The following SRPK2 variants were observed in gnomAD, a reference collection of about 807,000 sequenced individuals.
SRPK2 encodes SFRS protein kinase 2.
A neutral mutation model predicts 90.8 loss-of-function variants in SRPK2; 21 were observed. The observed-to-expected ratio is 0.23, with a 90% CI of 0.16 to 0.33. SRPK2 has a LOEUF of 0.33. Among genes scored for constraint, SRPK2 ranks in the 10% least tolerant of loss-of-function variants. SRPK2 has a pLI of 1.00. For missense variants in SRPK2, 620 were observed against 869.0 expected (o/e 0.71, Z 3.60); for synonymous variants, 288 against 311.1 (o/e 0.93, Z 0.78).
chr7:105,233,188 T>C (rs1329846267), intron 2 of SRPK2, among the ~76,000 whole-genome samples: 1 of 151,442 alleles, frequency 6.6e-6, no homozygotes, highest in Admixed American at 6.6e-5. Context: ...AAGGCACAGG[T>C]CAATTAATAG....
intron 2 of SRPK2, among the ~76,000 whole-genome samples, chr7:105,295,820 T>G (rs1338743677): frequency 1.3e-5 from 2 of 152,304 alleles, no homozygotes; most frequent in Middle Eastern, 3.4e-3. Context: ...TCACACAATA[T>G]TTCTCTTGGA....
chr7:105,280,660 G>T (rs997613869), intron 2 of SRPK2, among the ~76,000 whole-genome samples: 31 of 50,040 alleles, frequency 6.2e-4, no homozygotes, highest in Non-Finnish European at 1.1e-3. Flanking sequence ...AAAAAAAGGG[G>T]GGGGGGGCCG....
At chr7:105,259,454 C>A (rs931266044) in intron 2 of SRPK2, among the ~76,000 whole-genome samples, 3 of 152,148 alleles carry the variant, frequency 2.0e-5, no homozygotes, top group Admixed American at 1.3e-4. Flanking sequence ...AATGGCCACA[C>A]GGCCTAAGGT....
intron 2 of SRPK2, chr7:105,268,796 G>A: frequency 1.3e-6 from 2 of 1,592,892 alleles, no homozygotes; most frequent in Non-Finnish European, 1.7e-6. Context: ...TGCAAGAGAT[G>A]TAGCTGTACC....
intron 7 of SRPK2, among the ~76,000 whole-genome samples, chr7:105,159,163 A>G (rs970457004): frequency 3.3e-5 from 5 of 151,912 alleles, no homozygotes; most frequent in Admixed American, 2.0e-4. Flanking sequence ...CTCAAGTAAC[A>G]TCTGTCATGT....
At position 105,245,820 on chromosome 7, in the gene SRPK2, G is replaced by A. The variant is rs143219205; in HGVS notation, c.72-42035C>T. ...TATGGCCTTGAACTCCTGGGCTCAA[G>A]TGATCCTCCCACCTCAGCTGCCAGA... is the stretch of plus-strand genomic sequence containing the variant. On this transcript the variant is annotated intron_variant, in intron 2 of 15. Coordinates refer to ENST00000393651, the MANE Select transcript of SRPK2 (RefSeq NM_182692.3). Among the ~76,000 whole-genome samples, 708 of 152,310 alleles carry A rather than the reference G, an allele frequency of 4.6e-3. 5 individuals carry two copies. Among genetic ancestry groups the A allele is most frequent in the African/African-American group, 0.016 (677 of 41,568 alleles).
At chr7:105,267,305 T>C (rs746968226) in intron 2 of SRPK2, among the ~76,000 whole-genome samples, 4 of 152,214 alleles carry the variant, frequency 2.6e-5, no homozygotes, top group Non-Finnish European at 4.4e-5. Flanking sequence ...AAAGAATTCA[T>C]GATATTCCAA....
chr7:105,241,111 C>T (rs2129623828), intron 2 of SRPK2, among the ~76,000 whole-genome samples: 1 of 152,130 alleles, frequency 6.6e-6, no homozygotes, highest in South Asian at 2.1e-4. Context: ...AGGATGTAAA[C>T]TTTTTAAATG....
At chr7:105,394,339 C>T (rs1353338268), upstream of SRPK2, among the ~76,000 whole-genome samples, 2 of 152,002 alleles carry the variant, frequency 1.3e-5, no homozygotes, top group African/African-American at 4.8e-5. Flanking sequence ...GATGGGGTTT[C>T]ACCATATTGG....
chr7:105,149,166 T>C (rs1456445737), intron 7 of SRPK2, among the ~76,000 whole-genome samples: 1 of 152,122 alleles, frequency 6.6e-6, no homozygotes, highest in Non-Finnish European at 1.5e-5. Flanking sequence ...GTCTCCTGCC[T>C]GCCCCTGGGA....
At chr7:105,369,722 A>G (rs1184185142) in intron 2 of SRPK2, among the ~76,000 whole-genome samples, 1 of 152,114 alleles carries the variant, frequency 6.6e-6, no homozygotes, top group African/African-American at 2.4e-5. Context: ...CAACAGGATA[A>G]GATTCCCCAT....
chr7:105,159,466 A>ATAAAAAAT (rs1554428673), intron 7 of SRPK2, among the ~76,000 whole-genome samples: 6 of 114,314 alleles, frequency 5.2e-5, no homozygotes, highest in African/African-American at 1.9e-4. Context: ...AAAAAAAAAA[A>ATAAAAAAT]AAAAAAACCG....
Position 105,203,722 on chromosome 7 carries a change from C to T in SRPK2, c.135G>A (p.Pro45=), listed in dbSNP as rs202128417. 2.0e-5 allele frequency: 22 copies of T among 1,087,464 alleles called. No homozygotes were observed. The highest frequency in any genetic ancestry group is 2.3e-4 in the Middle Eastern group (1 of 4,398). The allele number at this position is 1,087,464 out of a possible 1,614,324, so 67.4% of individuals were successfully genotyped here. A position where few individuals can be genotyped will look rare whatever the true frequency, so the allele number is the denominator to read the frequency against. Residue 45 remains proline (P), a synonymous_variant, in exon 3 of 16, where the codon CCG becomes CCA. Transcript: ENST00000393651. ...GGGGTGTGGGGTCTGGCAAAGGTGG[C>T]GGTGGTGGTGGTGGTGGCGGTGGAG... ...PPPPPPPPPP[P]PPLPDPTPPE...
chr7:105,226,187 A>G (rs924697699), intron 2 of SRPK2, among the ~76,000 whole-genome samples: 1 of 152,230 alleles, frequency 6.6e-6, no homozygotes. Context: ...ATATTTGTCT[A>G]TGAAACATTT....
chr7:105,140,818 G>A (rs1021830512), intron 11 of SRPK2, among the ~76,000 whole-genome samples: 3 of 151,770 alleles, frequency 2.0e-5, no homozygotes, highest in Non-Finnish European at 4.4e-5. Flanking sequence ...AAAATTAGCC[G>A]GGCATGGTGG....
chr7:105,221,158 C>T (rs975611668), intron 2 of SRPK2, among the ~76,000 whole-genome samples: 1 of 152,140 alleles, frequency 6.6e-6, no homozygotes, highest in Admixed American at 6.5e-5. Context: ...CCAAAACACC[C>T]TTCATAAAGT....
chr7:105,202,910 A>T (rs1043986269), intron 3 of SRPK2, among the ~76,000 whole-genome samples: 1 of 152,236 alleles, frequency 6.6e-6, no homozygotes, highest in Non-Finnish European at 1.5e-5. Context: ...AATACAGTGC[A>T]CAAGAGTTAT....
At chr7:105,218,256 A>T (rs569574002) in intron 2 of SRPK2, among the ~76,000 whole-genome samples, 1 of 152,388 alleles carries the variant, frequency 6.6e-6, no homozygotes, top group African/African-American at 2.4e-5. Context: ...ATGCTACACA[A>T]AGTTAAATCT....
rs1821999855 is a variant in SRPK2, at chr7:105,388,917, C to G, written c.-111G>C. ...GCCGGCCGGGAGGAGACGAGAACCGCGCCTGCGCCGCCGCCGCCGCCGCCG... is the reference window on the plus strand; with the variant it reads ...GCCGGCCGGGAGGAGACGAGAACCGGGCCTGCGCCGCCGCCGCCGCCGCCG... On this transcript the variant is annotated 5_prime_UTR_variant, in exon 1 of 16. Coordinates refer to ENST00000393651, the MANE Select transcript of SRPK2 (RefSeq NM_182692.3). 6 of 1,210,410 alleles carry G rather than the reference C, an allele frequency of 5.0e-6. No individual in the cohort carries two copies. Among genetic ancestry groups the G allele is most frequent in the Non-Finnish European group, 6.1e-6 (6 of 977,194 alleles). The allele number at this position is 1,210,410 out of a possible 1,614,324, so 75.0% of individuals were successfully genotyped here.
Sources: allele counts gnomAD v4.1 joint callset (sites outside exome capture counted in the v4.1 genomes callset), GRCh38; gene constraint gnomAD v4.1.1; transcripts MANE v1.5; gene names NCBI Gene and HGNC (gene_info 2026-07-23, HGNC 2026-07-21).